Variants in ZDHHC13 observed in about 807,000 individuals in gnomAD.
ZDHHC13 encodes palmitoyltransferase ZDHHC13.
In ZDHHC13, 85 loss-of-function variants were observed where a neutral mutation model predicts 86.0. That is an observed-to-expected ratio of 0.99 (90% CI 0.83 to 1.18). The LOEUF is 1.18. Among genes scored for constraint, ZDHHC13 ranks in the 50% most tolerant of loss-of-function variants. The pLI is 0.00. For missense variants in ZDHHC13, 711 were observed against 730.2 expected (o/e 0.97, Z 0.30); for synonymous variants, 263 against 246.4 (o/e 1.07, Z -0.63).
At chr11:19,172,379 GTATTTTAAATAGAC>G (rs753473029) in intron 15 of ZDHHC13, among the ~76,000 whole-genome samples, 15 of 152,234 alleles carry the variant, frequency 9.9e-5, no homozygotes, top group Non-Finnish European at 1.5e-4. Flanking sequence ...CCGCAGTTAG[GTATTTTAAATAGAC>G]TATCTCAAAT....
intron 11 of ZDHHC13, 127 bp from the exon 12 acceptor site, chr11:19,164,174 G>T (rs748053595): frequency 4.3e-4 from 356 of 832,692 alleles, no homozygotes; most frequent in Middle Eastern, 2.1e-3. Flanking sequence ...ATGATTTGGT[G>T]GCAAGTATTC....
At chr11:19,170,294 G>C (rs1850182970) in intron 14 of ZDHHC13, 117 bp from the exon 15 acceptor site, 1 of 1,435,262 alleles carries the variant, frequency 7.0e-7, no homozygotes, top group Non-Finnish European at 9.0e-7. Context: ...ATTGAATCAT[G>C]ATCTGTGCCA....
At chr11:19,165,261 A>T (rs1275532238) in intron 13 of ZDHHC13, 116 bp downstream of exon 13, 12 of 892,604 alleles carry the variant, frequency 1.3e-5, no homozygotes, top group Non-Finnish European at 2.1e-5. Flanking sequence ...TAGTATTCCA[A>T]TAGCAATGGG....
Position 19,117,887 on chromosome 11 carries a change from G to A in ZDHHC13, c.27+611G>A, listed in dbSNP as rs1390693037. ...TCCGTGGAGGAGGTGTTATATAAAA[G>A]CCAGACGGAGGTCCAAAGAAGCCAG... On this transcript the variant is annotated intron_variant, in intron 1 of 16. Transcript: ENST00000446113. This position sits in a 1 kb window ranked among gnomAD's most constrained non-coding sequence, Gnocchi z 4.2. 6.6e-6 allele frequency: 1 copy of A among 152,302 alleles called. No individual in the cohort carries two copies. The highest frequency in any genetic ancestry group is 1.5e-5 in the Non-Finnish European group (1 of 68,090). 9.4% of individuals were successfully genotyped at this position (152,302 alleles called of 1,614,324 possible).
rs147177321 is a variant in ZDHHC13, at chr11:19,122,408, C to CTTATTA, written c.27+5148_27+5153dup. ...TCTGCTATTTTCTTATTTGCTTGTG[C>CTTATTA]TTATTATTATTATTATTATTACCTC... On this transcript the variant is annotated intron_variant, in intron 1 of 16. Coordinates refer to ENST00000446113, the MANE Select transcript of ZDHHC13 (RefSeq NM_019028.3). Among the ~76,000 whole-genome samples the CTTATTA allele has an allele frequency of 6.6e-5, 10 of 151,414 alleles. No homozygotes were observed. The East Asian group carries it at 1.4e-3, about 20-fold the overall frequency.
Position 19,172,760 on chromosome 11 carries a change from GCC to G in ZDHHC13, c.1671_1672del (p.Leu558AlafsTer75), listed in dbSNP as rs753732711. On this transcript the variant is annotated frameshift_variant, in exon 16 of 17. Coordinates refer to ENST00000446113, the MANE Select transcript of ZDHHC13 (RefSeq NM_019028.3). LOFTEE classifies it high-confidence loss of function. Reference sequence around the variant, plus strand: ...GGCCTGACCTCCCATGAGAGAATCAGCCTGCAGAAGCAGAGCAAGCATATGAA... The same window carrying G: ...GGCCTGACCTCCCATGAGAGAATCAGTGCAGAAGCAGAGCAAGCATATGAA... 5.6e-6 allele frequency: 9 copies of G among 1,605,836 alleles called. No individual in the cohort carries two copies. Among genetic ancestry groups the G allele is most frequent in the Non-Finnish European group, 7.7e-6 (9 of 1,176,112 alleles).
intron 1 of ZDHHC13, among the ~76,000 whole-genome samples, chr11:19,125,621 C>T (rs1848856936): frequency 6.6e-6 from 1 of 152,156 alleles, no homozygotes; most frequent in African/African-American, 2.4e-5. Context: ...AAAGGATGTT[C>T]ACACAAAAGT....
chr11:19,132,899 A>C (rs916850781), intron 1 of ZDHHC13, among the ~76,000 whole-genome samples: 4 of 152,210 alleles, frequency 2.6e-5, no homozygotes, highest in Non-Finnish European at 5.9e-5. Context: ...GGTTAAGTGC[A>C]ATCCTACTTA....
chr11:19,127,522 C>T (rs1258540363), intron 1 of ZDHHC13, among the ~76,000 whole-genome samples: 5 of 152,070 alleles, frequency 3.3e-5, no homozygotes, highest in Admixed American at 3.3e-4. Flanking sequence ...GAAATCTTTG[C>T]CCATTCCTAT....
intron 1 of ZDHHC13, among the ~76,000 whole-genome samples, chr11:19,142,529 A>G (rs943466553): frequency 6.6e-6 from 1 of 152,182 alleles, no homozygotes; most frequent in Non-Finnish European, 1.5e-5. Context: ...TGTCCACCAC[A>G]ACTCCAAAAA....
intron 15 of ZDHHC13, among the ~76,000 whole-genome samples, chr11:19,171,491 A>G (rs759541606): frequency 6.6e-6 from 1 of 152,192 alleles, no homozygotes; most frequent in Non-Finnish European, 1.5e-5. Flanking sequence ...GAAAGAGAAA[A>G]AAGAAAATGT....
chr11:19,149,249 A>G lies in ZDHHC13; in HGVS notation c.437A>G (p.Asp146Gly). The G allele has an allele frequency of 6.2e-7, 1 of 1,606,248 alleles. No homozygotes were observed. Among genetic ancestry groups the G allele is most frequent in the South Asian group, 1.1e-5 (1 of 89,576 alleles). ...LQHGADPTLI[D>G]GEGFSSIHLA... ...CATGGTGCAGACCCCACTCTTATTG[A>G]TGGAGAGGGATTCAGCAGCATCCAC... Residue 146 changes from aspartate (D) to glycine (G), a missense_variant, in exon 5 of 17, where the codon GAT (aspartate) becomes GGT (glycine). By Grantham distance (94) the Asp-to-Gly change is moderately conservative. Coordinates refer to ENST00000446113, the MANE Select transcript of ZDHHC13 (RefSeq NM_019028.3).
intron 1 of ZDHHC13, among the ~76,000 whole-genome samples, chr11:19,134,983 G>A (rs995052309): frequency 1.3e-5 from 2 of 152,214 alleles, no homozygotes; most frequent in Non-Finnish European, 2.9e-5. Context: ...AGTGAGCTAT[G>A]ATCACACTGC....
rs567875448 is a variant in ZDHHC13, at chr11:19,150,892, A to G, written c.584+101A>G. On this transcript the variant is annotated intron_variant, in intron 6 of 16. Transcript: ENST00000446113. ...CTGTGTCTATGTGAGATGATAGTAC[A>G]TTGAAGAAAATAAGATTTTTCACAC... The G allele has an allele frequency of 2.3e-5, 23 of 1,009,072 alleles. No individual in the cohort carries two copies. The South Asian group carries it at 4.0e-4, about 17-fold the overall frequency. 62.5% of individuals were successfully genotyped at this position (1,009,072 alleles called of 1,614,324 possible).
chr11:19,118,537 A>G (rs1365483703), intron 1 of ZDHHC13, among the ~76,000 whole-genome samples: 1 of 152,220 alleles, frequency 6.6e-6, no homozygotes, highest in Non-Finnish European at 1.5e-5. Context: ...TGTCTTAATT[A>G]CTGCCACTCA....
chr11:19,174,208 G>A (rs1300715681), intron 16 of ZDHHC13, among the ~76,000 whole-genome samples: 1 of 152,242 alleles, frequency 6.6e-6, no homozygotes, highest in African/African-American at 2.4e-5. Context: ...CAGGCAGACA[G>A]AGCTGGATGG....
At chr11:19,144,437 G>GTA (rs1327532499) in intron 2 of ZDHHC13, among the ~76,000 whole-genome samples, 1 of 143,180 alleles carries the variant, frequency 7.0e-6, no homozygotes, top group Non-Finnish European at 1.5e-5. Flanking sequence ...TATGGAGTGT[G>GTA]TGTGTGTGTG....
chr11:19,160,378 ATAT>A (rs57519151), intron 10 of ZDHHC13, among the ~76,000 whole-genome samples: 6,718 of 151,918 alleles, frequency 0.044, 178 homozygotes, highest in East Asian at 0.06. Context: ...GGCTTGGATG[ATAT>A]TATTATTATG....
At chr11:19,170,218 T>G (rs1850181121) in intron 14 of ZDHHC13, 193 bp from the exon 15 acceptor site, 2 of 1,401,422 alleles carry the variant, frequency 1.4e-6, no homozygotes, top group African/African-American at 3.0e-5. Flanking sequence ...TAGCCTCAAT[T>G]AACATTGAGC....
Sources: allele counts gnomAD v4.1 joint callset (sites outside exome capture counted in the v4.1 genomes callset), GRCh38; gene constraint gnomAD v4.1.1; non-coding constraint Gnocchi (gnomAD v3.1); transcripts MANE v1.5; gene names NCBI Gene and HGNC (gene_info 2026-07-23, HGNC 2026-07-21).